Variants in ROBO2 observed in about 807,000 individuals in gnomAD.
The protein encoded by ROBO2 is roundabout guidance receptor 2.
Under a neutral mutation model 160.8 loss-of-function variants are expected in ROBO2, and 53 were observed. That is an observed-to-expected ratio of 0.33 (90% CI 0.26 to 0.41). The LOEUF is 0.41. Ranked by LOEUF, ROBO2 falls within the 10% of genes least tolerant of loss-of-function variation. ROBO2 has a pLI of 1.00. For missense variants in ROBO2, 1,577 were observed against 1,722.4 expected, an observed-to-expected ratio of 0.92 and a Z score of 1.49; for synonymous variants, 664 against 611.7, an observed-to-expected ratio of 1.09 and a Z score of -1.26.
At chr3:77,508,807 A>G (rs193269089) in intron 5 of ROBO2, among the ~76,000 whole-genome samples, 2 of 152,084 alleles carry the variant, frequency 1.3e-5, no homozygotes, top group Non-Finnish European at 2.9e-5. Flanking sequence ...TTATCTTAAA[A>G]TTTTTTTAAA....
chr3:76,651,586 G>T (rs1227999191), intron 2 of ROBO2, among the ~76,000 whole-genome samples: 1 of 151,108 alleles, frequency 6.6e-6, no homozygotes, highest in Non-Finnish European at 1.5e-5. Flanking sequence ...CAGCCCTACT[G>T]ATGCACTATT....
intron 4 of ROBO2, among the ~76,000 whole-genome samples, chr3:77,489,850 A>G (rs753459774): frequency 3.9e-5 from 6 of 152,132 alleles, no homozygotes; most frequent in Admixed American, 3.3e-4. Context: ...GTTTGCTGCA[A>G]TGTATCCTAA....
intron 2 of ROBO2, among the ~76,000 whole-genome samples, chr3:76,924,952 T>C (rs2149014115): frequency 6.6e-6 from 1 of 152,262 alleles, no homozygotes; most frequent in East Asian, 1.9e-4. Context: ...CTCACGCCTG[T>C]AATCCCAGCA....
chr3:76,450,563 G>C (rs1362621510), intron 2 of ROBO2, among the ~76,000 whole-genome samples: 1 of 152,100 alleles, frequency 6.6e-6, no homozygotes, highest in Non-Finnish European at 1.5e-5. Context: ...TGATGCTCCA[G>C]CCTCATCCTC....
intron 2 of ROBO2, among the ~76,000 whole-genome samples, chr3:77,322,971 T>TTATATTATATTATGGATAATATAA (rs1553908786): frequency 0.028 from 21 of 762 alleles, no homozygotes; most frequent in Admixed American, 0.11. Flanking sequence ...ATATAATATA[T>TTATATTATATTATGGATAATATAA]TATATTATAT....
At chr3:77,626,019 AAATC>A (rs1393366531) in intron 23 of ROBO2, among the ~76,000 whole-genome samples, 1 of 152,188 alleles carries the variant, frequency 6.6e-6, no homozygotes, top group Admixed American at 6.5e-5. Flanking sequence ...AGAATGTTCA[AAATC>A]AATCAGTCTT....
chr3:77,191,580 T>A (rs1016042998), intron 2 of ROBO2, among the ~76,000 whole-genome samples: 1 of 99,258 alleles, frequency 1.0e-5, no homozygotes, highest in African/African-American at 3.0e-5. Context: ...TGGAGTTTTT[T>A]AAACGTGGAT....
intron 2 of ROBO2, among the ~76,000 whole-genome samples, chr3:76,263,952 A>G (rs1706932736): frequency 6.6e-6 from 1 of 152,196 alleles, no homozygotes; most frequent in Admixed American, 6.5e-5. Flanking sequence ...CATCATTGTC[A>G]GCAAACTAAC....
chr3:76,186,152 CA>C (rs1264499832), intron 2 of ROBO2, among the ~76,000 whole-genome samples: 1 of 151,806 alleles, frequency 6.6e-6, no homozygotes, highest in Non-Finnish European at 1.5e-5. Context: ...AGGCTGGTCT[CA>C]AAATCCTGAG....
chr3:76,443,027 G>A (rs114881247), intron 2 of ROBO2, among the ~76,000 whole-genome samples: 7,493 of 151,920 alleles, frequency 0.049, 194 homozygotes, highest in Middle Eastern at 0.099. Flanking sequence ...CAGGAAGCAC[G>A]GCACCAACAT....
At chr3:77,045,098 C>T (rs2064510469) in intron 1 of ROBO2, among the ~76,000 whole-genome samples, 2 of 152,002 alleles carry the variant, frequency 1.3e-5, no homozygotes, top group African/African-American at 4.8e-5. Context: ...ACTTCCTGAG[C>T]CAGCTGTAGG....
intron 17 of ROBO2, among the ~76,000 whole-genome samples, chr3:77,594,825 T>A (rs916497416): frequency 2.6e-5 from 4 of 152,230 alleles, no homozygotes; most frequent in Middle Eastern, 3.2e-3. Flanking sequence ...TTCACAATAA[T>A]GCTACGTTGA....
At position 76,619,710 on chromosome 3, in the gene ROBO2, G is replaced by A. The variant is rs12495341; in HGVS notation, c.110-478304G>A. The stretch of plus-strand genomic sequence containing the variant: ...AGTTTCAACTGCAAAACCTACTGAG[G>A]AGGATAGATTCATAACATCACAGCC... On this transcript the variant is annotated intron_variant, in intron 2 of 26. Coordinates refer to the ROBO2 transcript ENST00000487694. 6.8e-3 allele frequency among the ~76,000 whole-genome samples: 1,035 copies of A among 152,302 alleles called. 4 individuals carry two copies. Among genetic ancestry groups the A allele is most frequent in the Non-Finnish European group, 0.011 (758 of 68,020 alleles).
At chr3:77,237,411 T>TTGTGTGTGTG (rs71104662) in intron 2 of ROBO2, among the ~76,000 whole-genome samples, 8,879 of 131,020 alleles carry the variant, frequency 0.068, 379 homozygotes, top group African/African-American at 0.094. Context: ...TTGTTTTGTT[T>TTGTGTGTGTG]TGTGTGTGTG....
intron 2 of ROBO2, among the ~76,000 whole-genome samples, chr3:77,021,386 C>T (rs748610791): frequency 2.6e-5 from 4 of 152,024 alleles, no homozygotes; most frequent in Non-Finnish European, 2.9e-5. Context: ...ATTCCTGTTC[C>T]AAAGTCATAG....
rs901705963 is a variant in ROBO2 at position 76,670,424 on chromosome 3, G to T, written c.110-427590G>T. ...CTTCATCATCCCATGGGTTTGTAAA[G>T]AATGAGGGATCAAATAGCCTCGGTA... On this transcript the variant is annotated intron_variant, in intron 2 of 26. Transcript: ENST00000487694. Among the ~76,000 whole-genome samples, 7 of 151,598 alleles carry T rather than the reference G, an allele frequency of 4.6e-5. No homozygotes were observed. The Admixed American group carries it at 4.6e-4, about 10-fold the overall frequency.
intron 9 of ROBO2, among the ~76,000 whole-genome samples, chr3:77,561,203 G>C (rs144297634): frequency 6.6e-6 from 1 of 152,146 alleles, no homozygotes; most frequent in Non-Finnish European, 1.5e-5. Context: ...AGAATCAATC[G>C]AGAAAGCTTG....
chr3:77,604,156 A>AT (rs1442801800), intron 20 of ROBO2: 1 of 152,156 alleles, frequency 6.6e-6, no homozygotes, highest in Non-Finnish European at 1.5e-5. Flanking sequence ...TATTGGTAGA[A>AT]TTAGCTATAT....
intron 21 of ROBO2, among the ~76,000 whole-genome samples, chr3:77,613,808 G>A (rs1406986937): frequency 6.6e-6 from 1 of 152,122 alleles, no homozygotes; most frequent in Admixed American, 6.5e-5. Flanking sequence ...AAATAAATTA[G>A]TCAAGAGTTA....
Sources: gnomAD v4.1 joint callset for allele counts (sites outside exome capture counted in the v4.1 genomes callset) on GRCh38, gnomAD v4.1.1 for gene constraint, MANE v1.5 for transcripts, NCBI Gene and HGNC (gene_info 2026-07-23, HGNC 2026-07-21) for gene names.